ZNF69: variants seen among roughly 807,000 people sequenced by gnomAD.
The protein encoded by ZNF69 is ZNF3.
ZNF69 carries 47 observed loss-of-function variants against 50.9 expected under a neutral mutation model. The observed-to-expected ratio is 0.92, with a 90% confidence interval of 0.73 to 1.18. The LOEUF (loss-of-function observed/expected upper bound fraction) is 1.18. Ranked by LOEUF, ZNF69 falls within the 50% of genes most tolerant of loss-of-function variation. The pLI is 0.00. For missense variants in ZNF69, 717 were observed against 675.1 expected, an observed-to-expected ratio of 1.06 and a Z score of -0.69; for synonymous variants, 216 against 223.1, an observed-to-expected ratio of 0.97 and a Z score of 0.29.
At chr19:11,965,104 A>T in the ZNF69 span, 16 of 1,504,492 alleles carry the variant, frequency 1.1e-5, no homozygotes, top group Non-Finnish European at 1.3e-5. Context: ...CCCGAGAGGG[A>T]CCTGGTACCT....
chr19:11,896,775 T>C (rs1304329348), intron 1 of ZNF69, among the ~76,000 whole-genome samples: 1 of 152,194 alleles, frequency 6.6e-6, no homozygotes, highest in Non-Finnish European at 1.5e-5. Flanking sequence ...GCATCTTGGC[T>C]ATTCTTAGTC....
At chr19:11,933,846 G>GAA in the ZNF69 span, among the ~76,000 whole-genome samples, 10 of 106,598 alleles carry the variant, frequency 9.4e-5, no homozygotes, top group Admixed American at 2.0e-4. Context: ...CTCCATCTCA[G>GAA]AAAAAAAAAA....
At chr19:11,958,452 C>G in the ZNF69 span, among the ~76,000 whole-genome samples, 20,922 of 151,888 alleles carry the variant, frequency 0.14, 3,355 homozygotes, top group African/African-American at 0.4. Context: ...CTGGAGAATT[C>G]GCTGGTGTTC....
At chr19:11,979,277 A>G in the ZNF69 span, 1 of 1,613,576 alleles carries the variant, frequency 6.2e-7, no homozygotes, top group Non-Finnish European at 8.5e-7. Flanking sequence ...AAACCCTATG[A>G]GTGTAAGCAA....
the ZNF69 span, among the ~76,000 whole-genome samples, chr19:11,975,894 T>C: frequency 6.6e-6 from 1 of 151,840 alleles, no homozygotes; most frequent in Non-Finnish European, 1.5e-5. Flanking sequence ...TTTGCCCTCT[T>C]GTGTACTTAC....
chr19:11,974,118 TTTCTTTCTTTTC>T, the ZNF69 span, among the ~76,000 whole-genome samples: 249 of 69,100 alleles, frequency 3.6e-3, 1 homozygote, highest in South Asian at 0.01. Flanking sequence ...TCTTTCTTTC[TTTCTTTCTTTTC>T]TTTCTTTCTT....
chr19:11,903,548 C>T (rs1039899156), intron 1 of ZNF69, 25 bp from the exon 2 acceptor site: 28 of 1,613,302 alleles, frequency 1.7e-5, no homozygotes, highest in Non-Finnish European at 2.3e-5. Context: ...CACCCATCCT[C>T]CTCTACACAT....
chr19:11,935,281 G>C, the ZNF69 span, among the ~76,000 whole-genome samples: 1,557 of 127,660 alleles, frequency 0.012, 13 homozygotes, highest in Non-Finnish European at 0.017. Flanking sequence ...CTGTTGCCCA[G>C]TCTGGAGTGC....
chr19:11,947,079 G>A, the ZNF69 span: 216 of 1,508,292 alleles, frequency 1.4e-4, no homozygotes, highest in South Asian at 1.6e-4. Context: ...GGGAATAAAT[G>A]TTTGGAGTCC....
the ZNF69 span, chr19:11,979,129 G>A: frequency 1.9e-6 from 3 of 1,613,122 alleles, no homozygotes; most frequent in Non-Finnish European, 2.5e-6. Flanking sequence ...ATGTGGGAAA[G>A]GCCTTTATTC....
At chr19:11,965,147 C>T in the ZNF69 span, 1 of 1,611,778 alleles carries the variant, frequency 6.2e-7, no homozygotes, top group Non-Finnish European at 8.5e-7. Flanking sequence ...GTCTCCTGCG[C>T]TGTGCCCTTC....
chr19:11,977,132 T>C, the ZNF69 span: 1 of 1,614,182 alleles, frequency 6.2e-7, no homozygotes, highest in Non-Finnish European at 8.5e-7. Context: ...AGGGAAGTGA[T>C]GCTGGAAACT....
chr19:11,890,146 G>A (rs1335017020), intron 1 of ZNF69, among the ~76,000 whole-genome samples: 1 of 152,144 alleles, frequency 6.6e-6, no homozygotes, highest in African/African-American at 2.4e-5. Context: ...CAACTGCAAA[G>A]AGGCCTCCCT....
chr19:11,943,659 G>A, the ZNF69 span, among the ~76,000 whole-genome samples: 1 of 152,194 alleles, frequency 6.6e-6, no homozygotes, highest in East Asian at 1.9e-4. Context: ...ATACAGGCAA[G>A]TTCCTTTTAA....
In ZNF69 at chr19:11,904,653, C is replaced by A. The variant is rs775793455; in HGVS notation, c.256C>A (p.Leu86Ile). 3 of 1,610,978 alleles carry A rather than the reference C, an allele frequency of 1.9e-6. No individual in the cohort carries two copies. Among genetic ancestry groups the A allele is most frequent in the Admixed American group, 1.7e-5 (1 of 59,004 alleles). Reference sequence around the variant, plus strand: ...TGTGCTTCTCATTTTTGACAGGAGTCTCATAGAAAAGAAAGTCAATGAAAT... The same window carrying A: ...TGTGCTTCTCATTTTTGACAGGAGTATCATAGAAAAGAAAGTCAATGAAAT... ...YQNPRRNFRS[L>I]IEKKVNEIKD... Residue 86 changes from leucine (L) to isoleucine (I), a missense_variant, in exon 4 of 4, where the codon CTC (leucine) becomes ATC (isoleucine). Leu to Ile is a conservative substitution (Grantham distance 5, BLOSUM62 2). Transcript: ENST00000429654.
chr19:11,977,823 A>T, the ZNF69 span, among the ~76,000 whole-genome samples: 2 of 152,190 alleles, frequency 1.3e-5, no homozygotes, highest in Admixed American at 6.5e-5. Flanking sequence ...ATATCACTGT[A>T]CTCCAGGATG....
At chr19:11,947,163 A>G in the ZNF69 span, 61 of 1,612,176 alleles carry the variant, frequency 3.8e-5, no homozygotes, top group South Asian at 6.2e-4. Flanking sequence ...CTTCCTCTAC[A>G]CATGTGAGAT....
rs144455661 is a variant in ZNF69 at position 11,900,524 on chromosome 19, T to A, written c.64-3049T>A. 1.3e-3 allele frequency among the ~76,000 whole-genome samples: 193 copies of A among 152,024 alleles called. 1 individual carries two copies. The highest frequency in any genetic ancestry group is 4.5e-3 in the African/African-American group (185 of 41,498). On this transcript the variant is annotated intron_variant, in intron 1 of 3. Transcript: ENST00000429654. Reference sequence around the variant, plus strand: ...CACGCCACCAGGCCCAGCTAATTTTTGTATTTTTACTAGAGACGGGGTTTC... The same window carrying A: ...CACGCCACCAGGCCCAGCTAATTTTAGTATTTTTACTAGAGACGGGGTTTC...
At chr19:11,955,818 G>T in the ZNF69 span, among the ~76,000 whole-genome samples, 6 of 152,110 alleles carry the variant, frequency 3.9e-5, no homozygotes, top group African/African-American at 1.4e-4. Flanking sequence ...TGTTATCTGT[G>T]GGGTAAGACC....
Sources: allele counts gnomAD v4.1 joint callset (sites outside exome capture counted in the v4.1 genomes callset), GRCh38; gene constraint gnomAD v4.1.1; transcripts MANE v1.5; gene names NCBI Gene and HGNC (gene_info 2026-07-23, HGNC 2026-07-21).